The following ITIH5 variants were observed in gnomAD, a reference collection of about 807,000 sequenced individuals.
ITIH5 encodes inter-alpha-trypsin inhibitor heavy chain H5.
ITIH5 carries 65 observed loss-of-function variants against 77.5 expected under a neutral mutation model. That is an observed-to-expected ratio of 0.84 (90% CI 0.69 to 1.03). The LOEUF is 1.03. Among genes scored for constraint, ITIH5 ranks in the 50% least tolerant of loss-of-function variants. The probability of loss-of-function intolerance (pLI) is 0.00; values close to 1 mark genes in which losing one functional copy is unlikely to be tolerated. For missense variants in ITIH5, 1,208 were observed against 1,213.1 expected (o/e 1.00, Z 0.06); for synonymous variants, 525 against 494.3 (o/e 1.06, Z -0.82).
intron 5 of ITIH5, chr10:7,619,579 A>C (rs1401928886): frequency 7.7e-6 from 3 of 387,458 alleles, no homozygotes; most frequent in African/African-American, 6.2e-5. Flanking sequence ...TAATTGACTC[A>C]CAGTTCCGCA....
At chr10:7,569,857 C>G (rs1832263034) in intron 11 of ITIH5, 73 bp from the exon 12 acceptor site, 7 of 723,702 alleles carry the variant, frequency 9.7e-6, no homozygotes, top group African/African-American at 1.8e-5. Context: ...AGGTGCTACT[C>G]TCTATTTTCT....
intron 5 of ITIH5, among the ~76,000 whole-genome samples, chr10:7,625,946 A>C (rs533099322): frequency 1.3e-5 from 2 of 152,238 alleles, no homozygotes; most frequent in Non-Finnish European, 2.9e-5. Flanking sequence ...GCACAGCGCC[A>C]GAAACATGTG....
rs1386358485 is a variant in ITIH5 at position 7,566,341 on chromosome 10, G to A, written c.2216C>T (p.Thr739Ile). The A allele has an allele frequency of 3.7e-6, 6 of 1,610,778 alleles. No homozygotes were observed. Among genetic ancestry groups the A allele is most frequent in the Non-Finnish European group, 5.1e-6 (6 of 1,177,194 alleles). Reference protein sequence around the residue: ...APPNGHKKQRTYLRTITILIN... With the variant: ...APPNGHKKQRIYLRTITILIN... ...GAGGATGGTGATAGTGCGCAAGTAA[G>A]TGCGCTGTTTCTTGTGGCCATTTGG... Residue 739 changes from threonine to isoleucine, a missense_variant, in exon 13 of 14, where the codon ACT (threonine) becomes ATT (isoleucine). Coordinates refer to ENST00000397146, the MANE Select transcript of ITIH5 (RefSeq NM_030569.7).
In ITIH5 at chr10:7,576,585, T is replaced by G. The variant is rs1588365967; in HGVS notation, c.1846A>C (p.Thr616Pro). The change falls in exon 10 of 14, where the codon ACT (threonine) becomes CCT (proline). Residue 616 changes from threonine (T) to proline (P), a missense_variant. Thr to Pro is a conservative substitution (Grantham distance 38, BLOSUM62 -1). Transcript: ENST00000397146. Reference sequence around the variant, plus strand: ...CTCAGCTTCATGGAGGTGAAGGGAGTGAGGAAGCGGTAGCTCACAGCCAGG... The same window carrying G: ...CTCAGCTTCATGGAGGTGAAGGGAGGGAGGAAGCGGTAGCTCACAGCCAGG... The part of the protein sequence containing the change: ...QALAVSYRFL[T>P]PFTSMKLRGP... 1 of 1,613,774 alleles carries G rather than the reference T, an allele frequency of 6.2e-7. No homozygotes were observed. Among genetic ancestry groups the G allele is most frequent in the Non-Finnish European group, 8.5e-7 (1 of 1,179,982 alleles).
chr10:7,600,321 C>T (rs11255226), intron 7 of ITIH5, among the ~76,000 whole-genome samples: 33,354 of 152,098 alleles, frequency 0.22, 3,889 homozygotes, highest in African/African-American at 0.28. Flanking sequence ...CCTCTGAAAC[C>T]CCATTTTCCC....
At chr10:7,589,099 CTTT>C (rs1482696569) in intron 7 of ITIH5, among the ~76,000 whole-genome samples, 2 of 152,238 alleles carry the variant, frequency 1.3e-5, no homozygotes, top group South Asian at 2.1e-4. Flanking sequence ...CTGTTTACTT[CTTT>C]GTTTCTTTTG....
chr10:7,623,087 A>T (rs1163657861), intron 5 of ITIH5, among the ~76,000 whole-genome samples: 1 of 152,228 alleles, frequency 6.6e-6, no homozygotes, highest in African/African-American at 2.4e-5. Flanking sequence ...GCTATGTAAA[A>T]TGCCAAAGGT....
At chr10:7,657,165 C>A (rs572020045) in intron 1 of ITIH5, among the ~76,000 whole-genome samples, 1 of 151,384 alleles carries the variant, frequency 6.6e-6, no homozygotes, top group Non-Finnish European at 1.5e-5. Context: ...CTGCCTTAGC[C>A]TCCTGAGTAG....
At chr10:7,586,813 A>G (rs559874124) in intron 7 of ITIH5, among the ~76,000 whole-genome samples, 108 of 151,184 alleles carry the variant, frequency 7.1e-4, no homozygotes, top group Non-Finnish European at 1.5e-3. Context: ...GAATACATTG[A>G]AAGAACTGGA....
chr10:7,601,266 G>A (rs1274759849), intron 7 of ITIH5, among the ~76,000 whole-genome samples: 1 of 152,168 alleles, frequency 6.6e-6, no homozygotes, highest in Non-Finnish European at 1.5e-5. Flanking sequence ...AACAGTGACT[G>A]TGAGAACTTC....
At chr10:7,572,036 C>CA (rs1374991802) in intron 11 of ITIH5, 21 of 1,010,834 alleles carry the variant, frequency 2.1e-5, no homozygotes, top group Non-Finnish European at 2.1e-5. Flanking sequence ...GTGCTTGCTC[C>CA]AAAAAAGAGG....
intron 1 of ITIH5, among the ~76,000 whole-genome samples, chr10:7,659,316 T>C: frequency 6.6e-6 from 1 of 151,610 alleles, no homozygotes; most frequent in East Asian, 1.9e-4. Context: ...GAGGTGGAGG[T>C]TGCAGTGGGC....
intron 7 of ITIH5, among the ~76,000 whole-genome samples, chr10:7,614,258 G>A (rs1833317948): frequency 6.6e-6 from 1 of 152,194 alleles, no homozygotes; most frequent in African/African-American, 2.4e-5. Context: ...CAGTTGGCAG[G>A]TTGCGCTCTG....
In ITIH5 at chr10:7,586,028, G is replaced by C. The variant is rs779842688; in HGVS notation, c.981C>G (p.Pro327=). The C allele has an allele frequency of 6.2e-7, 1 of 1,613,922 alleles. No homozygotes were observed. The highest frequency in any genetic ancestry group is 2.2e-5 in the East Asian group (1 of 44,876). The change falls in exon 8 of 14, where the codon CCC becomes CCG. Residue 327 remains proline, a synonymous_variant. Transcript: ENST00000397146. ...ALFTILHDLR[P]QDRFSIIGFS... ...ATCCAATGATACTGAAACGGTCCTG[G>C]GGTCGGAGGTCATGGAGAATTGTGA...
intron 8 of ITIH5, among the ~76,000 whole-genome samples, chr10:7,583,157 C>T (rs1832602121): frequency 6.6e-6 from 1 of 152,020 alleles, no homozygotes; most frequent in Admixed American, 6.6e-5. Flanking sequence ...TAAAATGTAC[C>T]GCATCTGAGA....
Position 7,582,157 on chromosome 10 carries a change from G to C in ITIH5, c.1109-2093C>G, listed in dbSNP as rs563487273. Among the ~76,000 whole-genome samples, 11 of 152,116 alleles carry C rather than the reference G, an allele frequency of 7.2e-5. No individual in the cohort carries two copies. The South Asian group carries it at 2.3e-3, about 32-fold the overall frequency. On this transcript the variant is annotated intron_variant, in intron 8 of 13. Transcript: ENST00000397146. Reference sequence around the variant, plus strand: ...CCAAAGTGCTGGGATTACTGGCAGGGGCCACAGCACCTGGCCCCATGTATT... The same window carrying C: ...CCAAAGTGCTGGGATTACTGGCAGGCGCCACAGCACCTGGCCCCATGTATT...
At chr10:7,585,825 CA>C (rs878937206) in intron 8 of ITIH5, 75 bp downstream of exon 8, 55,218 of 840,414 alleles carry the variant, frequency 0.066, no homozygotes, top group South Asian at 0.079. Flanking sequence ...TATCTCTTGG[CA>C]AAAAAAAAAA....
intron 2 of ITIH5, among the ~76,000 whole-genome samples, chr10:7,653,264 T>C (rs1834129523): frequency 6.6e-6 from 1 of 152,236 alleles, no homozygotes; most frequent in African/African-American, 2.4e-5. Flanking sequence ...TAGAGTGCAG[T>C]GGTGCAATCT....
At chr10:7,569,010 C>CTTTTTTTTTTTTTTTTTTTTT (rs5782983) in intron 12 of ITIH5, among the ~76,000 whole-genome samples, 9 of 71,596 alleles carry the variant, frequency 1.3e-4, no homozygotes, top group African/African-American at 3.0e-4. Flanking sequence ...TTTTCTTTTT[C>CTTTTTTTTTTTTTTTTTTTTT]TTTTTTTTTT....
Sources: gnomAD v4.1 joint callset for allele counts (sites outside exome capture counted in the v4.1 genomes callset) on GRCh38, gnomAD v4.1.1 for gene constraint, MANE v1.5 for transcripts, NCBI Gene and HGNC (gene_info 2026-07-23, HGNC 2026-07-21) for gene names.